MROH1: variants seen among roughly 807,000 people sequenced by gnomAD.
MROH1 encodes maestro heat like repeat family member 1.
In MROH1, 117 loss-of-function variants were observed where a neutral mutation model predicts 116.5. The observed-to-expected ratio is 1.00, with a 90% CI of 0.86 to 1.17. The LOEUF (loss-of-function observed/expected upper bound fraction) is 1.17. Ranked by LOEUF, MROH1 falls within the 50% of genes most tolerant of loss-of-function variation. The probability of loss-of-function intolerance (pLI) is 0.00; values close to 1 mark genes in which losing one functional copy is unlikely to be tolerated. For synonymous variants in MROH1, 921 were observed against 583.9 expected (o/e 1.58, Z -8.32); for missense variants, 1,873 against 1,338.5 (o/e 1.40, Z -6.23).
At position 144,260,755 on chromosome 8, in the gene MROH1, G is replaced by A. The variant is rs1004499126; in HGVS notation, c.4459G>A (p.Val1487Ile). 1.2e-5 allele frequency: 9 copies of A among 779,276 alleles called. 1 individual carries two copies. Among genetic ancestry groups the A allele is most frequent in the South Asian group, 5.4e-5 (4 of 74,618 alleles). 48.3% of individuals were successfully genotyped at this position (779,276 alleles called of 1,614,324 possible). A position where few individuals can be genotyped will look rare whatever the true frequency, so the allele number is the denominator to read the frequency against. The change falls in exon 40 of 44, where the codon GTC becomes ATC. Residue 1487 changes from valine (V) to isoleucine (I), a missense_variant. Val to Ile is a conservative substitution (Grantham distance 29). Coordinates refer to ENST00000326134, the MANE Select transcript of MROH1 (RefSeq NM_032450.3). ...GGTCTGCCACGGAGACTGTGAGGAC[G>A]TCTTCCTGGACCAGGTGGTGGGCGG... ...NKVCHGDCED[V>I]FLDQVVGGLA...
chr8:144,229,362 C>T (rs1423871991), intron 14 of MROH1, among the ~76,000 whole-genome samples: 3 of 149,052 alleles, frequency 2.0e-5, no homozygotes, highest in Non-Finnish European at 4.4e-5. Flanking sequence ...TGGCAGCAAT[C>T]GATTAATTAC....
At chr8:144,230,772 G>C (rs1554822511) in intron 14 of MROH1, among the ~76,000 whole-genome samples, 1 of 143,846 alleles carries the variant, frequency 7.0e-6, no homozygotes, top group South Asian at 2.2e-4. Flanking sequence ...AAGACATCAG[G>C]TCCTGGATTT....
At chr8:144,208,170 C>G (rs188567977) in intron 12 of MROH1, among the ~76,000 whole-genome samples, 2 of 152,126 alleles carry the variant, frequency 1.3e-5, no homozygotes, top group Admixed American at 6.5e-5. Flanking sequence ...TCTCAAACTC[C>G]TGACCTCAGG....
intron 3 of MROH1, among the ~76,000 whole-genome samples, chr8:144,167,216 G>A (rs1821063312): frequency 6.6e-6 from 1 of 150,518 alleles, no homozygotes; most frequent in African/African-American, 2.4e-5. Context: ...GATGTGGGGT[G>A]GAGTGGCCGG....
At chr8:144,177,489 C>T (rs1218030109) in intron 4 of MROH1, among the ~76,000 whole-genome samples, 1 of 152,220 alleles carries the variant, frequency 6.6e-6, no homozygotes, top group African/African-American at 2.4e-5. Flanking sequence ...AAATGTCCTG[C>T]GTGGCTGTCT....
intron 13 of MROH1, among the ~76,000 whole-genome samples, chr8:144,221,882 T>C (rs923071990): frequency 8.2e-4 from 124 of 151,742 alleles, no homozygotes; most frequent in African/African-American, 2.8e-3. Context: ...GGCAGAGGCG[T>C]GGTCACGATG....
At chr8:144,168,709 G>C (rs760299828) in intron 4 of MROH1, among the ~76,000 whole-genome samples, 23 of 152,176 alleles carry the variant, frequency 1.5e-4, no homozygotes, top group Non-Finnish European at 2.9e-4. Flanking sequence ...TCACTAAGTG[G>C]AGGCCTAATG....
intron 32 of MROH1, among the ~76,000 whole-genome samples, chr8:144,249,982 G>A (rs986960855): frequency 3.8e-4 from 58 of 152,318 alleles, no homozygotes; most frequent in Non-Finnish European, 5.0e-4. Flanking sequence ...TCTACCTCCC[G>A]GGGCACTGGC....
intron 29 of MROH1, among the ~76,000 whole-genome samples, chr8:144,246,363 C>T (rs1841926137): frequency 1.3e-5 from 2 of 151,964 alleles, no homozygotes; most frequent in African/African-American, 4.8e-5. Flanking sequence ...CTCCTGACCT[C>T]AAGTGATCTG....
At chr8:144,173,118 T>G (rs79749587) in intron 4 of MROH1, among the ~76,000 whole-genome samples, 1 of 147,020 alleles carries the variant, frequency 6.8e-6, no homozygotes. Flanking sequence ...TTTTTTTTTT[T>G]CCTGAGGCAG....
intron 1 of MROH1, among the ~76,000 whole-genome samples, chr8:144,156,785 T>C (rs1350801650): frequency 2.7e-5 from 4 of 147,192 alleles, no homozygotes; most frequent in African/African-American, 5.0e-5. Flanking sequence ...AATTTCTTTT[T>C]TTTTTTTTTT....
At chr8:144,259,161 G>A in intron 36 of MROH1, 79 bp from the exon 37 acceptor site, 2 of 702,798 alleles carry the variant, frequency 2.8e-6, no homozygotes, top group South Asian at 1.5e-5. Flanking sequence ...AGCGGACCAG[G>A]GCTGTGCAGG....
At chr8:144,154,421 T>A (rs2130604872) in intron 1 of MROH1, among the ~76,000 whole-genome samples, 1 of 152,146 alleles carries the variant, frequency 6.6e-6, no homozygotes, top group South Asian at 2.1e-4. Flanking sequence ...TACTGGCACT[T>A]TGTATGGGTC....
intron 4 of MROH1, among the ~76,000 whole-genome samples, chr8:144,173,878 A>T (rs1823150002): frequency 6.6e-6 from 1 of 152,162 alleles, no homozygotes; most frequent in South Asian, 2.1e-4. Flanking sequence ...AAGAATGAGG[A>T]TACAGTGGAC....
At chr8:144,210,821 G>A (rs1370219940) in intron 12 of MROH1, among the ~76,000 whole-genome samples, 1 of 151,982 alleles carries the variant, frequency 6.6e-6, no homozygotes, top group Non-Finnish European at 1.5e-5. Flanking sequence ...TTTATTTTTA[G>A]TGTGGTAAAA....
chr8:144,256,362 C>T (rs902953876), intron 35 of MROH1, among the ~76,000 whole-genome samples: 1 of 133,826 alleles, frequency 7.5e-6, no homozygotes, highest in African/African-American at 2.9e-5. Flanking sequence ...TGCACCTTGG[C>T]CAGGACACAC....
chr8:144,249,921 C>T (rs1188227275), intron 32 of MROH1, among the ~76,000 whole-genome samples: 1 of 152,232 alleles, frequency 6.6e-6, no homozygotes, highest in Non-Finnish European at 1.5e-5. Flanking sequence ...CTGTTGGATG[C>T]CTGCCCAGCT....
At chr8:144,247,776 AAGTGCCACCCATGGCC>A (rs1842148349) in intron 31 of MROH1, 97 bp downstream of exon 31, 2 of 699,364 alleles carry the variant, frequency 2.9e-6, no homozygotes, top group South Asian at 3.0e-5. Flanking sequence ...TAGCCTCTGG[AAGTGCCACCCATGGCC>A]AGTGGGCATG....
chr8:144,172,704 C>T (rs1055882055), intron 4 of MROH1, among the ~76,000 whole-genome samples: 8 of 152,106 alleles, frequency 5.3e-5, no homozygotes, highest in African/African-American at 1.2e-4. Context: ...CCACCGTGCC[C>T]GGCCAGTCTA....
Sources: allele counts gnomAD v4.1 joint callset (sites outside exome capture counted in the v4.1 genomes callset), GRCh38; gene constraint gnomAD v4.1.1; transcripts MANE v1.5; gene names NCBI Gene and HGNC (gene_info 2026-07-23, HGNC 2026-07-21).